The following NCOA2 variants were observed in gnomAD, a reference collection of about 807,000 sequenced individuals.
NCOA2 encodes nuclear receptor coactivator 2.
In NCOA2, 21 loss-of-function variants were observed where a neutral mutation model predicts 145.1. The ratio of observed to expected loss-of-function variants is 0.14; its 90% CI spans 0.10 to 0.21. The LOEUF (loss-of-function observed/expected upper bound fraction) is 0.21, where lower values mean the gene tolerates loss of function less well. NCOA2 is among the 10% of genes least tolerant of loss of function. NCOA2 has a pLI of 1.00. For synonymous variants in NCOA2, 619 were observed against 637.5 expected, an observed-to-expected ratio of 0.97 and a Z score of 0.44; for missense variants, 1,472 against 1,837.6, an observed-to-expected ratio of 0.80 and a Z score of 3.64.
upstream of NCOA2, among the ~76,000 whole-genome samples, chr8:70,404,143 A>G (rs1426421927): frequency 6.6e-6 from 1 of 152,118 alleles, no homozygotes; most frequent in Non-Finnish European, 1.5e-5. Context: ...CGGCCCGGGG[A>G]GAGGTGAAGA....
At chr8:70,242,270 T>C (rs1822202504) in intron 2 of NCOA2, among the ~76,000 whole-genome samples, 1 of 152,108 alleles carries the variant, frequency 6.6e-6, no homozygotes, top group Admixed American at 6.6e-5. Context: ...GAAGAAACAA[T>C]CATTCAATGT....
rs202233218 is a variant in NCOA2 at position 70,156,790 on chromosome 8, A to G, written c.1575T>C (p.Asn525=). ...GGGAGCTGTTGGTATAACTATGGCTATTTCCTGTGCTGCTGCAAACTCCCA... is the reference window on the plus strand; with the variant it reads ...GGGAGCTGTTGGTATAACTATGGCTGTTTCCTGTGCTGCTGCAAACTCCCA... ...SPVGVCSSTG[N]SHSYTNSSLN... The change falls in exon 11 of 23, where the codon AAT becomes AAC. Residue 525 remains asparagine (N), a synonymous_variant. Transcript: ENST00000452400. 5.1e-5 allele frequency: 83 copies of G among 1,613,860 alleles called. No individual in the cohort carries two copies. The Middle Eastern group carries it at 6.6e-4, about 13-fold the overall frequency.
rs1466434803 is a variant in NCOA2, at chr8:70,157,348, A to G, written c.1125-108T>C. ...CCTCTTCACCTTAAAAGAACAGGCTACATTTTAAGGATAGATAATACTTTG... is the reference window on the plus strand; with the variant it reads ...CCTCTTCACCTTAAAAGAACAGGCTGCATTTTAAGGATAGATAATACTTTG... On this transcript the variant is annotated intron_variant, in intron 10 of 22. Transcript: ENST00000452400. The G allele has an allele frequency of 3.0e-5, 29 of 978,164 alleles. 1 individual carries two copies. In the South Asian group the frequency reaches 5.8e-4, roughly 20 times the overall value. 60.6% of individuals were successfully genotyped at this position (978,164 alleles called of 1,614,324 possible).
At chr8:70,232,239 C>A (rs1821203675) in intron 2 of NCOA2, among the ~76,000 whole-genome samples, 1 of 152,170 alleles carries the variant, frequency 6.6e-6, no homozygotes, top group African/African-American at 2.4e-5. Flanking sequence ...CCACCTGCAG[C>A]CACCTCAGTT....
the NCOA2 span, among the ~76,000 whole-genome samples, chr8:70,451,237 A>AAAAAAT: frequency 1.3e-4 from 9 of 69,516 alleles, no homozygotes; most frequent in African/African-American, 2.3e-4. Context: ...AAAAAAAAAA[A>AAAAAAT]ATATATATAT....
At position 70,110,214 on chromosome 8, in the gene NCOA2, A is replaced by G. The variant is rs1252341238; in HGVS notation, c.*3418T>C. 1 of 202,094 alleles carries G rather than the reference A, an allele frequency of 4.9e-6. No homozygotes were observed. Among genetic ancestry groups the G allele is most frequent in the Non-Finnish European group, 1.0e-5 (1 of 98,288 alleles). The allele number at this position is 202,094 out of a possible 1,614,324, so 12.5% of individuals were successfully genotyped here. A position where few individuals can be genotyped will look rare whatever the true frequency, so the allele number is the denominator to read the frequency against. On this transcript the variant is annotated 3_prime_UTR_variant, in exon 23 of 23. Coordinates refer to ENST00000452400, the MANE Select transcript of NCOA2 (RefSeq NM_006540.4). ...ATGTCTGAAGAAATGTATCATCATC[A>G]CTATTCAAACAACATAAAGGTTAAG...
chr8:70,206,041 T>C (rs146622934), intron 4 of NCOA2, among the ~76,000 whole-genome samples: 2 of 152,200 alleles, frequency 1.3e-5, no homozygotes, highest in African/African-American at 2.4e-5. Context: ...CCAGGAAACA[T>C]GTGGGCACTC....
chr8:70,130,700 TCTGCATCATCTTTC>T (rs1373482918), intron 16 of NCOA2, among the ~76,000 whole-genome samples: 2 of 151,958 alleles, frequency 1.3e-5, no homozygotes, highest in Non-Finnish European at 2.9e-5. Flanking sequence ...CTCCAATGAC[TCTGCATCATCTTTC>T]TCTCAGAAAG....
chr8:70,138,401 A>C, intron 14 of NCOA2, 69 bp from the exon 15 acceptor site: 1 of 1,400,090 alleles, frequency 7.1e-7, no homozygotes, highest in Non-Finnish European at 9.5e-7. Context: ...TATGTAATAT[A>C]AAGTGAAATG....
chr8:70,279,809 T>C (rs992969851), intron 2 of NCOA2, among the ~76,000 whole-genome samples: 1 of 152,218 alleles, frequency 6.6e-6, no homozygotes, highest in Non-Finnish European at 1.5e-5. Context: ...GAGCTGCTAA[T>C]GACCTTCTCT....
rs550542181 is a variant in NCOA2 at position 70,144,545 on chromosome 8, A to G, written c.2812+97T>C. On this transcript the variant is annotated intron_variant, in intron 13 of 22. Transcript: ENST00000452400. ...TTTCAGATGTTATTTTCTAACATAA[A>G]AAGTTCACTTGAAAAATTCTACTAG... The G allele has an allele frequency of 3.3e-5, 33 of 989,666 alleles. No individual in the cohort carries two copies. The African/African-American group carries it at 4.9e-4, about 15-fold the overall frequency. 61.3% of individuals were successfully genotyped at this position (989,666 alleles called of 1,614,324 possible).
intron 1 of NCOA2, among the ~76,000 whole-genome samples, chr8:70,316,214 C>T (rs1039543452): frequency 6.6e-6 from 1 of 152,182 alleles, no homozygotes; most frequent in Non-Finnish European, 1.5e-5. Flanking sequence ...AGTCTCGTTT[C>T]CTCTCGAGTC....
chr8:70,294,558 T>A (rs1311047774), intron 2 of NCOA2, among the ~76,000 whole-genome samples: 8 of 152,214 alleles, frequency 5.3e-5, no homozygotes, highest in Non-Finnish European at 1.2e-4. Flanking sequence ...GGAATAACAA[T>A]TACAAGTTAA....
At chr8:70,241,858 C>T (rs1293295278) in intron 2 of NCOA2, among the ~76,000 whole-genome samples, 1 of 151,970 alleles carries the variant, frequency 6.6e-6, no homozygotes, top group East Asian at 1.9e-4. Context: ...TTAAAACTAC[C>T]GTTAATTGTT....
intron 2 of NCOA2, chr8:70,273,398 GA>G: frequency 9.3e-6 from 7 of 754,956 alleles, no homozygotes; most frequent in Non-Finnish European, 1.2e-5. Context: ...CATGAACCAG[GA>G]AAAACTCGCC....
chr8:70,293,263 A>G (rs1826843990), intron 2 of NCOA2, among the ~76,000 whole-genome samples: 1 of 152,204 alleles, frequency 6.6e-6, no homozygotes, highest in African/African-American at 2.4e-5. Context: ...CCATATCTTC[A>G]TGGATACATA....
intron 1 of NCOA2, among the ~76,000 whole-genome samples, chr8:70,360,237 G>A (rs147972312): frequency 1.3e-3 from 197 of 152,202 alleles, no homozygotes; most frequent in Non-Finnish European, 2.4e-3. Context: ...CAAGAAAACC[G>A]TTGATTTGTC....
intron 20 of NCOA2, 129 bp from the exon 21 acceptor site, chr8:70,124,211 AG>A: frequency 1.2e-6 from 1 of 843,608 alleles, no homozygotes; most frequent in South Asian, 2.0e-5. Context: ...ACCCAGGCTG[AG>A]ACAGCCGGCA....
At chr8:70,379,018 T>C (rs1365840640) in intron 1 of NCOA2, among the ~76,000 whole-genome samples, 2 of 152,172 alleles carry the variant, frequency 1.3e-5, no homozygotes. Context: ...CTATGCTTGA[T>C]GCCTTCCTCT....
Sources: gnomAD v4.1 joint callset for allele counts (sites outside exome capture counted in the v4.1 genomes callset) on GRCh38, gnomAD v4.1.1 for gene constraint, MANE v1.5 for transcripts, NCBI Gene and HGNC (gene_info 2026-07-23, HGNC 2026-07-21) for gene names.